Variants in EYA1 observed in about 807,000 individuals in gnomAD.
The protein encoded by EYA1 is EYA transcriptional coactivator and phosphatase 1.
EYA1 carries 16 observed loss-of-function variants against 82.0 expected under a neutral mutation model. The ratio of observed to expected loss-of-function variants is 0.20; its 90% CI spans 0.13 to 0.30. The LOEUF (loss-of-function observed/expected upper bound fraction) is 0.30. Among genes scored for constraint, EYA1 ranks in the 10% least tolerant of loss-of-function variants. The pLI, the probability that EYA1 is intolerant of heterozygous loss-of-function variation, is 1.00. For missense variants in EYA1, 633 were observed against 730.7 expected, an observed-to-expected ratio of 0.87 and a Z score of 1.54; for synonymous variants, 261 against 264.4, an observed-to-expected ratio of 0.99 and a Z score of 0.12.
At chr8:71,215,243 G>A (rs1224496081) in intron 16 of EYA1, 144 bp downstream of exon 16, 1 of 795,114 alleles carries the variant, frequency 1.3e-6, no homozygotes. Flanking sequence ...TCTAAATCCA[G>A]TTTTGCAAAT....
intron 2 of EYA1, among the ~76,000 whole-genome samples, chr8:71,368,305 T>C (rs1827874550): frequency 1.3e-5 from 2 of 152,012 alleles, no homozygotes; most frequent in Admixed American, 1.3e-4. Flanking sequence ...AGAGGAGCCC[T>C]CTGCTGCACG....
chr8:71,478,716 C>A (rs1288312201), intron 2 of EYA1, among the ~76,000 whole-genome samples: 2 of 152,168 alleles, frequency 1.3e-5, no homozygotes, highest in African/African-American at 4.8e-5. Context: ...CCTTAGCATG[C>A]TCACAATGGG....
intron 2 of EYA1, among the ~76,000 whole-genome samples, chr8:71,448,223 T>C (rs79018905): frequency 0.045 from 6,782 of 152,084 alleles, 514 homozygotes; most frequent in African/African-American, 0.15. Context: ...TTAAAGACAA[T>C]CTTCTCAAAC....
chr8:71,276,133 T>C (rs886978428), intron 9 of EYA1, among the ~76,000 whole-genome samples: 1 of 152,244 alleles, frequency 6.6e-6, no homozygotes, highest in African/African-American at 2.4e-5. Context: ...TATAGTCAGC[T>C]GAAGAAAACA....
chr8:71,530,202 C>A (rs1814154166), intron 2 of EYA1, among the ~76,000 whole-genome samples: 1 of 152,114 alleles, frequency 6.6e-6, no homozygotes, highest in Non-Finnish European at 1.5e-5. Flanking sequence ...GTAAGAGGGA[C>A]AAAGGCCATG....
Position 71,197,523 on chromosome 8 carries a change from A to G in EYA1, c.*1817T>C, listed in dbSNP as rs2128798008. On this transcript the variant is annotated 3_prime_UTR_variant, in exon 18 of 18. Transcript: ENST00000340726. ...ACAACGGTGGACACAGCACACCTTT[A>G]TACAGTAAGGCCAAGATAAACTTTG... is the stretch of plus-strand genomic sequence containing the variant. 6.5e-6 allele frequency: 1 copy of G among 152,698 alleles called. No individual in the cohort carries two copies. Among genetic ancestry groups the G allele is most frequent in the South Asian group, 2.1e-4 (1 of 4,832 alleles). The allele number at this position is 152,698 out of a possible 1,614,324, so 9.5% of individuals were successfully genotyped here. A position where few individuals can be genotyped will look rare whatever the true frequency, so the allele number is the denominator to read the frequency against.
At chr8:71,347,630 G>A (rs1395683537) in intron 3 of EYA1, among the ~76,000 whole-genome samples, 4 of 152,076 alleles carry the variant, frequency 2.6e-5, no homozygotes, top group Admixed American at 2.6e-4. Context: ...GAGGGCATAT[G>A]ATGTACTCAA....
chr8:71,302,069 A>G (rs989304121), intron 7 of EYA1, among the ~76,000 whole-genome samples: 1 of 152,218 alleles, frequency 6.6e-6, no homozygotes, highest in African/African-American at 2.4e-5. Flanking sequence ...ACTTTTGGAT[A>G]AAGATGTGGA....
intron 12 of EYA1, among the ~76,000 whole-genome samples, chr8:71,227,220 G>A (rs778255722): frequency 1.3e-5 from 2 of 151,736 alleles, no homozygotes; most frequent in Non-Finnish European, 1.5e-5. Context: ...TCTTAAGAAT[G>A]AGCCTTTGAT....
At chr8:71,254,384 C>A (rs73288336) in intron 11 of EYA1, among the ~76,000 whole-genome samples, 2,176 of 151,920 alleles carry the variant, frequency 0.014, 45 homozygotes, top group African/African-American at 0.049. Context: ...TCAAGAAAAC[C>A]CAGACTCCCA....
chr8:71,255,261 T>C (rs1315393888), intron 11 of EYA1, among the ~76,000 whole-genome samples: 1 of 152,192 alleles, frequency 6.6e-6, no homozygotes, highest in Non-Finnish European at 1.5e-5. Context: ...TTGAAGTTTA[T>C]ATGAAATCTC....
chr8:71,234,336 T>G (rs1196797140), intron 12 of EYA1, among the ~76,000 whole-genome samples: 2 of 152,216 alleles, frequency 1.3e-5, no homozygotes, highest in East Asian at 3.8e-4. Context: ...TCTTTGTGTC[T>G]GTCTCTGTGG....
At chr8:71,452,847 C>A (rs938775252) in intron 2 of EYA1, among the ~76,000 whole-genome samples, 9 of 152,194 alleles carry the variant, frequency 5.9e-5, no homozygotes, top group Non-Finnish European at 5.9e-5. Flanking sequence ...GCTGAAAATT[C>A]TAAATTCAGA....
At chr8:71,425,139 C>T (rs1017936161) in intron 2 of EYA1, among the ~76,000 whole-genome samples, 32 of 146,326 alleles carry the variant, frequency 2.2e-4, no homozygotes, top group Non-Finnish European at 4.5e-4. Context: ...ATCAATGAGC[C>T]GGGCGTGGTG....
intron 2 of EYA1, among the ~76,000 whole-genome samples, chr8:71,437,089 A>G (rs1244145155): frequency 6.8e-6 from 1 of 147,796 alleles, no homozygotes; most frequent in Non-Finnish European, 1.5e-5. Context: ...TTGTTTATAT[A>G]TATATATATA....
intron 2 of EYA1, among the ~76,000 whole-genome samples, chr8:71,420,136 A>C (rs1258886382): frequency 1.3e-5 from 2 of 152,206 alleles, no homozygotes; most frequent in Non-Finnish European, 2.9e-5. Flanking sequence ...AATTAAATTT[A>C]ATCTCATTAT....
upstream of EYA1, among the ~76,000 whole-genome samples, chr8:71,365,710 G>A (rs1291881717): frequency 1.3e-5 from 2 of 152,130 alleles, no homozygotes; most frequent in Non-Finnish European, 2.9e-5. Context: ...CTGGATGGCT[G>A]ACACTATGAT....
At chr8:71,526,874 G>T (rs34221820) in intron 2 of EYA1, among the ~76,000 whole-genome samples, 1 of 152,230 alleles carries the variant, frequency 6.6e-6, no homozygotes, top group Non-Finnish European at 1.5e-5. Context: ...TCTCTTAAAG[G>T]GAGGAGTATC....
intron 3 of EYA1, among the ~76,000 whole-genome samples, chr8:71,352,812 T>G (rs1826436911): frequency 6.6e-6 from 1 of 152,210 alleles, no homozygotes; most frequent in Admixed American, 6.5e-5. Flanking sequence ...AAATATATTA[T>G]TACTCCACAT....
Sources: gnomAD v4.1 joint callset for allele counts (sites outside exome capture counted in the v4.1 genomes callset) on GRCh38, gnomAD v4.1.1 for gene constraint, MANE v1.5 for transcripts, NCBI Gene and HGNC (gene_info 2026-07-23, HGNC 2026-07-21) for gene names.